CELSR1: variants seen among roughly 807,000 people sequenced by gnomAD.
The protein encoded by CELSR1 is cadherin EGF LAG seven-pass G-type receptor 1, also known as adhesion G protein-coupled receptor C1.
In CELSR1, 110 loss-of-function variants were observed where a neutral mutation model predicts 249.1. The ratio of observed to expected loss-of-function variants is 0.44; its 90% CI spans 0.38 to 0.52. The LOEUF is 0.52. CELSR1 is among the 20% of genes least tolerant of loss of function. The pLI is 0.00. For synonymous variants in CELSR1, 2,113 were observed against 1,900.0 expected (o/e 1.11, Z -2.92); for missense variants, 4,109 against 4,296.4 (o/e 0.96, Z 1.22).
rs61737810 is a variant in CELSR1 at position 46,386,507 on chromosome 22, C to T, written c.6634G>A (p.Gly2212Ser). Residue 2212 changes from glycine to serine, a missense_variant, in exon 19 of 35, where the codon GGC becomes AGC. By Grantham distance (56) the Gly-to-Ser change is moderately conservative. Coordinates refer to ENST00000674500, the MANE Select transcript of CELSR1 (RefSeq NM_001378328.1). Reference protein sequence around the residue: ...AWEQIQRSEGGTAQLLRRLEG... With the variant: ...AWEQIQRSEGSTAQLLRRLEG... ...AGGCGCCGGAGCAGCTGTGCCGTGCCGCCCTCGCTCCGCTGGATCTGCTCC... is the reference window on the plus strand; with the variant it reads ...AGGCGCCGGAGCAGCTGTGCCGTGCTGCCCTCGCTCCGCTGGATCTGCTCC... 2.3e-5 allele frequency: 36 copies of T among 1,597,748 alleles called. No individual in the cohort carries two copies. The highest frequency in any genetic ancestry group is 6.9e-5 in the Admixed American group (4 of 58,092).
At chr22:46,498,941 A>G (rs1346727423) in intron 1 of CELSR1, among the ~76,000 whole-genome samples, 1 of 152,158 alleles carries the variant, frequency 6.6e-6, no homozygotes, top group Non-Finnish European at 1.5e-5. Context: ...GCACTCTGGG[A>G]GGCCGAGGCA....
rs1372201163 is a variant in CELSR1, at chr22:46,434,243, G to A, written c.4523-762C>T. Among the ~76,000 whole-genome samples the A allele has an allele frequency of 6.6e-6, 1 of 152,226 alleles. No homozygotes were observed. The highest frequency in any genetic ancestry group is 1.5e-5 in the Non-Finnish European group (1 of 68,048). On this transcript the variant is annotated intron_variant, in intron 4 of 34. Coordinates refer to ENST00000674500, the MANE Select transcript of CELSR1 (RefSeq NM_001378328.1). The surrounding 1 kb of genome is among the most constrained non-coding windows in gnomAD (Gnocchi z 4.9). ...CGTCTCTTGTGCATCTCTGCTTTGG[G>A]GTGTCTGTCATTTCCACCCCTTGAG...
chr22:46,535,292 C>T lies in CELSR1; in HGVS notation c.1879G>A (p.Asp627Asn). ...CTGTTGTGGATCTGGAAGGGGAAGT[C>T]AGGGGTGGGGGCAGGATTCTTAGGC... ...AGPKNPAPTP[D>N]FPFQIHNSSG... The change falls in exon 1 of 35, where the codon GAC becomes AAC. Residue 627 changes from aspartate to asparagine, a missense_variant. This residue lies in a region of CELSR1 where 886 missense variants were observed against 896.5 expected (regional missense o/e 0.99). Transcript: ENST00000674500. 2 of 1,611,210 alleles carry T rather than the reference C, an allele frequency of 1.2e-6. No individual in the cohort carries two copies. Among genetic ancestry groups the T allele is most frequent in the Non-Finnish European group, 1.7e-6 (2 of 1,179,994 alleles).
intron 20 of CELSR1, among the ~76,000 whole-genome samples, chr22:46,383,072 G>A (rs1190332082): frequency 6.6e-6 from 1 of 152,200 alleles, no homozygotes; most frequent in Non-Finnish European, 1.5e-5. Context: ...GGTCATGGGT[G>A]TGGATCCCCC....
rs1008692936 is a variant in CELSR1 at position 46,396,664 on chromosome 22, G to A, written c.5784C>T (p.Ser1928=). The change falls in exon 13 of 35, where the codon TCC becomes TCT. Residue 1928 remains serine (S), a synonymous_variant. Transcript: ENST00000674500. The surrounding 1 kb of genome is among the most constrained non-coding windows in gnomAD (Gnocchi z 6.4). The part of the protein sequence containing the change: ...NMGACVRSPG[S]PQGYVCECGP... ...CACACTCGCACACGTAGCCCTGCGG[G>A]GAGCCGGGGGAGCGCACGCAGGCCC... 1.2e-6 allele frequency: 2 copies of A among 1,612,396 alleles called. No homozygotes were observed.
Position 46,381,091 on chromosome 22 carries a change from C to G in CELSR1, c.7089-136G>C. On this transcript the variant is annotated intron_variant, in intron 21 of 34. Transcript: ENST00000674500. The surrounding 1 kb of genome is among the most constrained non-coding windows in gnomAD (Gnocchi z 6.0). ...GAATCACACTCCGAGAGCTCGGACCCACGGACCCCACAGTATCTTCATCCC... is the reference window on the plus strand; with the variant it reads ...GAATCACACTCCGAGAGCTCGGACCGACGGACCCCACAGTATCTTCATCCC... The G allele has an allele frequency of 1.2e-6, 1 of 853,010 alleles. No homozygotes were observed. Among genetic ancestry groups the G allele is most frequent in the Non-Finnish European group, 1.8e-6 (1 of 553,694 alleles). The allele number at this position is 853,010 out of a possible 1,614,324, so 52.8% of individuals were successfully genotyped here.
At chr22:46,385,968 C>T (rs1193031095) in intron 19 of CELSR1, among the ~76,000 whole-genome samples, 11 of 136,402 alleles carry the variant, frequency 8.1e-5, no homozygotes, top group Middle Eastern at 3.5e-3. Context: ...TGAGCCACCG[C>T]GCCCGGCTTT....
intron 2 of CELSR1, among the ~76,000 whole-genome samples, chr22:46,455,636 G>GT (rs1277121581): frequency 6.6e-6 from 1 of 152,188 alleles, no homozygotes; most frequent in Non-Finnish European, 1.5e-5. Context: ...CAGCCACTCA[G>GT]TTTGTGCCGA....
chr22:46,506,304 G>A lies in CELSR1; in HGVS notation c.3544+27323C>T, dbSNP rs868276094. On this transcript the variant is annotated intron_variant, in intron 1 of 34. Coordinates refer to ENST00000674500, the MANE Select transcript of CELSR1 (RefSeq NM_001378328.1). This position sits in a 1 kb window ranked among gnomAD's most constrained non-coding sequence, Gnocchi z 4.1. ...TCCCTCCAAGCCTGGCACCTCCACC[G>A]TGCCTGGCCTGGGGGAGCAGCAGAG... Among the ~76,000 whole-genome samples, 6 of 152,296 alleles carry A rather than the reference G, an allele frequency of 3.9e-5. No individual in the cohort carries two copies. The highest frequency in any genetic ancestry group is 3.4e-3 in the Middle Eastern group (1 of 294).
rs1301329251 is a variant in CELSR1, at chr22:46,363,648, CT to C, written c.9035+347del. 5.3e-6 allele frequency: 2 copies of C among 378,908 alleles called. No homozygotes were observed. Among genetic ancestry groups the C allele is most frequent in the Non-Finnish European group, 9.6e-6 (2 of 209,224 alleles). The allele number at this position is 378,908 out of a possible 1,614,324, so 23.5% of individuals were successfully genotyped here. On this transcript the variant is annotated intron_variant, in intron 34 of 34. Coordinates refer to ENST00000674500, the MANE Select transcript of CELSR1 (RefSeq NM_001378328.1). This position sits in a 1 kb window ranked among gnomAD's most constrained non-coding sequence, Gnocchi z 4.3. The stretch of plus-strand genomic sequence containing the variant: ...CCTTCACCCCTGGCATTCCGGGACC[CT>C]CAGTATCCTCAACTGCAAGGTGGGT...
At chr22:46,453,007 C>T (rs986670171) in intron 2 of CELSR1, among the ~76,000 whole-genome samples, 3 of 152,112 alleles carry the variant, frequency 2.0e-5, no homozygotes, top group Non-Finnish European at 4.4e-5. Context: ...GTCTTCCACC[C>T]AGGGGAGAGG....
In CELSR1 at chr22:46,437,163, A is replaced by G. The variant is rs77524041; in HGVS notation, c.4407-874T>C. 0.044 allele frequency among the ~76,000 whole-genome samples: 6,685 copies of G among 152,218 alleles called. 133 individuals are homozygous for G. Among genetic ancestry groups the G allele is most frequent in the Middle Eastern group, 0.078 (23 of 294 alleles). The stretch of plus-strand genomic sequence containing the variant: ...ACTTAGAGCACGCTGAGCAAAAACC[A>G]CCTGCTCGGGCAGGAGATCATCAAA... On this transcript the variant is annotated intron_variant, in intron 3 of 34. Transcript: ENST00000674500. This position sits in a 1 kb window ranked among gnomAD's most constrained non-coding sequence, Gnocchi z 4.9.
At chr22:46,457,612 G>A (rs145148430) in intron 2 of CELSR1, among the ~76,000 whole-genome samples, 5 of 152,354 alleles carry the variant, frequency 3.3e-5, no homozygotes, top group East Asian at 1.9e-4. Flanking sequence ...AGACGCTACC[G>A]TGATGACAAA....
chr22:46,480,923 T>G (rs1392748207), intron 1 of CELSR1, among the ~76,000 whole-genome samples: 1 of 152,190 alleles, frequency 6.6e-6, no homozygotes, highest in Non-Finnish European at 1.5e-5. Flanking sequence ...CATTTCTTCA[T>G]TCATAAACTT....
chr22:46,379,296 T>A (rs1193049862), intron 22 of CELSR1, among the ~76,000 whole-genome samples: 1 of 152,162 alleles, frequency 6.6e-6, no homozygotes, highest in Non-Finnish European at 1.5e-5. Flanking sequence ...AACAAGGTGT[T>A]ATAAGGTGTG....
chr22:46,369,205 G>T lies in CELSR1; in HGVS notation c.7926C>A (p.His2642Gln), dbSNP rs757162990. 2 of 1,613,984 alleles carry T rather than the reference G, an allele frequency of 1.2e-6. No individual in the cohort carries two copies. Among genetic ancestry groups the T allele is most frequent in the African/African-American group, 1.3e-5 (1 of 74,932 alleles). ...CGATCCCTTTTTTCCCATAATAATG[G>T]TGCTTTCTTTGGCAGGAAACCTTTG... ...LSAKVSCQRK[H>Q]HYYGKKGIVS... The change falls in exon 27 of 35, where the codon CAC becomes CAA. Residue 2642 changes from histidine (H) to glutamine (Q), a missense_variant. Around this residue, in one of 7 missense-constraint regions of CELSR1, gnomAD observed 1,805 missense variants for 1,831.6 expected, o/e 0.99. Transcript: ENST00000674500.
chr22:46,396,470 T>TAA lies in CELSR1; in HGVS notation c.5843+133_5843+134dup. Reference sequence around the variant, plus strand: ...GATTTTCACTTAATTCATGCCAAATTAAAAAAAAATATGTCCCTGTTACCC... The same window carrying TAA: ...GATTTTCACTTAATTCATGCCAAATTAAAAAAAAAAATATGTCCCTGTTACCC... On this transcript the variant is annotated intron_variant, in intron 13 of 34. Coordinates refer to ENST00000674500, the MANE Select transcript of CELSR1 (RefSeq NM_001378328.1). This position sits in a 1 kb window ranked among gnomAD's most constrained non-coding sequence, Gnocchi z 6.4. 2 of 919,554 alleles carry TAA rather than the reference T, an allele frequency of 2.2e-6. No homozygotes were observed. Among genetic ancestry groups the TAA allele is most frequent in the African/African-American group, 1.7e-5 (1 of 57,452 alleles). 57.0% of individuals were successfully genotyped at this position (919,554 alleles called of 1,614,324 possible).
In CELSR1 at chr22:46,407,267, A is replaced by C. The variant is rs1452533460; in HGVS notation, c.5226+1729T>G. Among the ~76,000 whole-genome samples, 1 of 152,232 alleles carries C rather than the reference A, an allele frequency of 6.6e-6. No individual in the cohort carries two copies. The highest frequency in any genetic ancestry group is 1.5e-5 in the Non-Finnish European group (1 of 68,038). ...TGCACACAGACATGCACAAATGTGC[A>C]CGCATGGAGAGATGCACATACACAG... On this transcript the variant is annotated intron_variant, in intron 9 of 34. Coordinates refer to ENST00000674500, the MANE Select transcript of CELSR1 (RefSeq NM_001378328.1). The surrounding 1 kb of genome is among the most constrained non-coding windows in gnomAD (Gnocchi z 4.8).
Position 46,484,284 on chromosome 22 carries a change from G to A in CELSR1, c.3545-19939C>T, listed in dbSNP as rs1317698083. ...GCTCAGTCCCAAGCAAGACCGCTGGGAGGGTCCTGCAGGGGACAGAGTCCC... is the reference window on the plus strand; with the variant it reads ...GCTCAGTCCCAAGCAAGACCGCTGGAAGGGTCCTGCAGGGGACAGAGTCCC... On this transcript the variant is annotated intron_variant, in intron 1 of 34. Transcript: ENST00000674500. This position sits in a 1 kb window ranked among gnomAD's most constrained non-coding sequence, Gnocchi z 4.5. Among the ~76,000 whole-genome samples the A allele has an allele frequency of 6.6e-6, 1 of 152,168 alleles. No homozygotes were observed. Among genetic ancestry groups the A allele is most frequent in the Non-Finnish European group, 1.5e-5 (1 of 68,026 alleles).
Sources: gnomAD v4.1 joint callset for allele counts (sites outside exome capture counted in the v4.1 genomes callset) on GRCh38, gnomAD v4.1.1 for gene constraint, gnomAD v4.1.1 regional missense constraint, Gnocchi (gnomAD v3.1) non-coding constraint, MANE v1.5 for transcripts, NCBI Gene and HGNC (gene_info 2026-07-23, HGNC 2026-07-21) for gene names.